JAKMIP2: variants seen among roughly 807,000 people sequenced by gnomAD.
The protein encoded by JAKMIP2 is janus kinase and microtubule-interacting protein 2.
JAKMIP2 carries 25 observed loss-of-function variants against 115.0 expected under a neutral mutation model. The ratio of observed to expected loss-of-function variants is 0.22; its 90% confidence interval spans 0.16 to 0.30. The LOEUF (loss-of-function observed/expected upper bound fraction) is 0.30, where lower values mean the gene tolerates loss of function less well. Among genes scored for constraint, JAKMIP2 ranks in the 10% least tolerant of loss-of-function variants. The probability of loss-of-function intolerance (pLI) is 1.00; values close to 1 mark genes in which losing one functional copy is unlikely to be tolerated. For missense variants in JAKMIP2, 642 were observed against 957.6 expected (o/e 0.67, Z 4.35); for synonymous variants, 334 against 343.6 (o/e 0.97, Z 0.31).
chr5:147,772,223 T>C (rs373911400), intron 1 of JAKMIP2, among the ~76,000 whole-genome samples: 1 of 152,216 alleles, frequency 6.6e-6, no homozygotes, highest in East Asian at 1.9e-4. Flanking sequence ...TGCTGGGACA[T>C]AAGGGAAACA....
chr5:147,608,705 C>G (rs1756155252), intron 20 of JAKMIP2, among the ~76,000 whole-genome samples: 1 of 152,146 alleles, frequency 6.6e-6, no homozygotes, highest in African/African-American at 2.4e-5. Context: ...TGGTCCAGAG[C>G]TGAGTTCAAG....
intron 19 of JAKMIP2, among the ~76,000 whole-genome samples, chr5:147,615,750 G>A (rs762039544): frequency 1.4e-4 from 21 of 151,908 alleles, no homozygotes; most frequent in South Asian, 6.2e-4. Context: ...TGGGTCCTTC[G>A]TTTTGTGAAG....
intron 2 of JAKMIP2, chr5:147,661,739 G>A (rs1758989091): frequency 3.1e-6 from 1 of 326,836 alleles, no homozygotes; most frequent in African/African-American, 2.1e-5. Context: ...CACCCAGGAA[G>A]CATGTTAGAA....
rs6580491 is a variant in JAKMIP2 at position 147,636,329 on chromosome 5, C to T, written c.1615-45G>A. ...GCGCAGTCAGCATTTCAGAGTGGCA[C>T]GAAAGAGCCTGTGTTGTCAAACCAC... On this transcript the variant is annotated intron_variant, in intron 11 of 21. Coordinates refer to ENST00000616793, the MANE Select transcript of JAKMIP2 (RefSeq NM_001270941.2). 9.1e-3 allele frequency: 13,830 copies of T among 1,519,524 alleles called. 945 individuals are homozygous for T. The African/African-American group carries it at 0.16, about 17-fold the overall frequency. 94.1% of individuals were successfully genotyped at this position (1,519,524 alleles called of 1,614,324 possible). A position where few individuals can be genotyped will look rare whatever the true frequency, so the allele number is the denominator to read the frequency against.
At chr5:147,640,201 T>C (rs1529688) in intron 9 of JAKMIP2, among the ~76,000 whole-genome samples, 33,399 of 152,068 alleles carry the variant, frequency 0.22, 4,622 homozygotes, top group East Asian at 0.58. Flanking sequence ...CATTACATCT[T>C]AAACTTCAGG....
At chr5:147,745,091 C>T (rs1443462639) in intron 1 of JAKMIP2, among the ~76,000 whole-genome samples, 2 of 150,674 alleles carry the variant, frequency 1.3e-5, no homozygotes, top group Non-Finnish European at 3.0e-5. Context: ...TAAGGTCTGG[C>T]CTCAGCACCT....
chr5:147,604,498 CT>C (rs2126595718), intron 20 of JAKMIP2, among the ~76,000 whole-genome samples: 1 of 152,194 alleles, frequency 6.6e-6, no homozygotes, highest in African/African-American at 2.4e-5. Context: ...ATATAAAAAT[CT>C]GGATGCCTGG....
chr5:147,692,577 C>G (rs1467496179), intron 1 of JAKMIP2, among the ~76,000 whole-genome samples: 2 of 152,128 alleles, frequency 1.3e-5, no homozygotes, highest in Non-Finnish European at 2.9e-5. Context: ...ATTTATCTCT[C>G]CCACTAAAAT....
At chr5:147,718,698 C>T (rs1158237256) in intron 1 of JAKMIP2, among the ~76,000 whole-genome samples, 1 of 152,184 alleles carries the variant, frequency 6.6e-6, no homozygotes, top group Non-Finnish European at 1.5e-5. Flanking sequence ...GTGATATCCC[C>T]TTTAGCATTT....
intron 1 of JAKMIP2, among the ~76,000 whole-genome samples, chr5:147,760,953 T>C (rs949727430): frequency 6.6e-6 from 1 of 152,132 alleles, no homozygotes; most frequent in Admixed American, 6.6e-5. Context: ...TTGGGAAAAG[T>C]ATGAGGTTCC....
At position 147,665,768 on chromosome 5, in the gene JAKMIP2, G is replaced by A. The variant is rs147284534; in HGVS notation, c.130-4323C>T. Reference sequence around the variant, plus strand: ...CTTGAACTGTAAAGTACTATGAAGTGTAAGGTAATATTATTACTGGATATA... The same window carrying A: ...CTTGAACTGTAAAGTACTATGAAGTATAAGGTAATATTATTACTGGATATA... On this transcript the variant is annotated intron_variant, in intron 2 of 21. Coordinates refer to ENST00000616793, the MANE Select transcript of JAKMIP2 (RefSeq NM_001270941.2). Among the ~76,000 whole-genome samples the A allele has an allele frequency of 4.9e-4, 74 of 152,230 alleles. 1 individual carries two copies. Among genetic ancestry groups the A allele is most frequent in the Middle Eastern group, 3.4e-3 (1 of 294 alleles).
At chr5:147,724,006 T>C (rs564452137) in intron 1 of JAKMIP2, among the ~76,000 whole-genome samples, 1 of 152,354 alleles carries the variant, frequency 6.6e-6, no homozygotes, top group African/African-American at 2.4e-5. Context: ...ATTCAGAAGA[T>C]GCTATTTATT....
chr5:147,593,890 G>A (rs539055399), intron 21 of JAKMIP2, among the ~76,000 whole-genome samples: 2 of 152,266 alleles, frequency 1.3e-5, no homozygotes, highest in African/African-American at 4.8e-5. Flanking sequence ...ATGTATTTTT[G>A]TTTGTGTGTT....
intron 1 of JAKMIP2, among the ~76,000 whole-genome samples, chr5:147,683,077 A>G (rs1760380203): frequency 6.6e-6 from 1 of 152,232 alleles, no homozygotes. Context: ...TTGGACATGA[A>G]GGAGAAATCT....
At chr5:147,682,109 A>G (rs1489305342) in intron 1 of JAKMIP2, among the ~76,000 whole-genome samples, 2 of 152,014 alleles carry the variant, frequency 1.3e-5, no homozygotes, top group Non-Finnish European at 2.9e-5. Context: ...AGAAGGAAGG[A>G]ACCAGTAAGC....
chr5:147,672,341 C>T (rs1716488331), intron 1 of JAKMIP2, among the ~76,000 whole-genome samples: 2 of 152,108 alleles, frequency 1.3e-5, no homozygotes, highest in South Asian at 4.2e-4. Flanking sequence ...GCAGAGAGAC[C>T]CAACTTTAAG....
intron 17 of JAKMIP2, among the ~76,000 whole-genome samples, chr5:147,621,591 G>A (rs905756269): frequency 6.6e-5 from 10 of 152,180 alleles, no homozygotes; most frequent in Non-Finnish European, 1.2e-4. Context: ...TGTTTTTAAA[G>A]AGCTTTCAAG....
intron 20 of JAKMIP2, among the ~76,000 whole-genome samples, chr5:147,609,485 G>T (rs1223045838): frequency 6.6e-6 from 1 of 152,164 alleles, no homozygotes; most frequent in South Asian, 2.1e-4. Flanking sequence ...TTTTCTTTAA[G>T]AATGTTGAAT....
At chr5:147,616,050 G>C (rs891338686) in intron 19 of JAKMIP2, among the ~76,000 whole-genome samples, 2 of 152,126 alleles carry the variant, frequency 1.3e-5, no homozygotes, top group African/African-American at 4.8e-5. Flanking sequence ...TTTCTAGCCG[G>C]AGTGATTTGA....
Sources: gnomAD v4.1 joint callset for allele counts (sites outside exome capture counted in the v4.1 genomes callset) on GRCh38, gnomAD v4.1.1 for gene constraint, MANE v1.5 for transcripts, NCBI Gene and HGNC (gene_info 2026-07-23, HGNC 2026-07-21) for gene names.